Variants in SEZ6L observed in about 807,000 individuals in gnomAD.
The protein encoded by SEZ6L is seizure related 6 homolog like.
A neutral mutation model predicts 106.2 loss-of-function variants in SEZ6L; 37 were observed. The ratio of observed to expected loss-of-function variants is 0.35; its 90% CI spans 0.27 to 0.46. The LOEUF is 0.46. Among genes scored for constraint, SEZ6L ranks in the 20% least tolerant of loss-of-function variants. The pLI is 1.00. For synonymous variants in SEZ6L, 541 were observed against 570.4 expected (o/e 0.95, Z 0.73); for missense variants, 1,172 against 1,332.8 (o/e 0.88, Z 1.88).
intron 1 of SEZ6L, among the ~76,000 whole-genome samples, chr22:26,284,826 A>G (rs923910128): frequency 1.3e-5 from 2 of 152,110 alleles, no homozygotes; most frequent in African/African-American, 4.8e-5. Context: ...AGTGCACAGG[A>G]AACAAAGTCA....
chr22:26,293,963 T>C (rs917051714), intron 2 of SEZ6L, among the ~76,000 whole-genome samples: 1 of 152,178 alleles, frequency 6.6e-6, no homozygotes, highest in Non-Finnish European at 1.5e-5. Flanking sequence ...AAATCCTGCT[T>C]GCTGTTTGAG....
intron 1 of SEZ6L, among the ~76,000 whole-genome samples, chr22:26,190,759 C>T (rs554902917): frequency 2.6e-5 from 4 of 152,222 alleles, no homozygotes; most frequent in South Asian, 2.1e-4. Flanking sequence ...AGGAGATGTT[C>T]GCCAAGAGAA....
At chr22:26,179,723 C>A (rs746764955) in intron 1 of SEZ6L, among the ~76,000 whole-genome samples, 84 of 152,306 alleles carry the variant, frequency 5.5e-4, no homozygotes, top group Middle Eastern at 3.4e-3. Flanking sequence ...CTCTCCACTT[C>A]TCTCTTGCAT....
intron 1 of SEZ6L, among the ~76,000 whole-genome samples, chr22:26,258,862 A>G (rs991003134): frequency 3.9e-5 from 6 of 152,210 alleles, no homozygotes; most frequent in Non-Finnish European, 7.3e-5. Context: ...GGGAGGAAAT[A>G]TGAAGGATTT....
At position 26,305,983 on chromosome 22, in the gene SEZ6L, T is replaced by G; in HGVS notation, c.1353T>G (p.Pro451=). Residue 451 remains proline (P), a synonymous_variant, in exon 6 of 17, where the codon CCT becomes CCG. Transcript: ENST00000248933. ...ACCCACCCCTTTCTGGATCAGCTCC[T>G]TGTGGAGGGGCAGTGCACAATGCCA... ...WSSQEPICSA[P]CGGAVHNATI... 1 of 1,434,588 alleles carries G rather than the reference T, an allele frequency of 7.0e-7. No homozygotes were observed. Among genetic ancestry groups the G allele is most frequent in the Non-Finnish European group, 9.4e-7 (1 of 1,061,200 alleles). 88.9% of individuals were successfully genotyped at this position (1,434,588 alleles called of 1,614,324 possible). A position where few individuals can be genotyped will look rare whatever the true frequency, so the allele number is the denominator to read the frequency against.
At chr22:26,171,691 T>A (rs1242879897) in intron 1 of SEZ6L, among the ~76,000 whole-genome samples, 1 of 152,204 alleles carries the variant, frequency 6.6e-6, no homozygotes, top group Non-Finnish European at 1.5e-5. Flanking sequence ...CCAGCATATT[T>A]TTTAAATTGA....
intron 1 of SEZ6L, among the ~76,000 whole-genome samples, chr22:26,189,882 G>A (rs1247927111): frequency 1.3e-5 from 2 of 152,154 alleles, no homozygotes; most frequent in Non-Finnish European, 2.9e-5. Context: ...CGGGTCACGA[G>A]GTCAGGAGAT....
chr22:26,248,085 G>A (rs761163183), intron 1 of SEZ6L, among the ~76,000 whole-genome samples: 13 of 152,184 alleles, frequency 8.5e-5, no homozygotes, highest in Non-Finnish European at 1.6e-4. Flanking sequence ...GAGGATTGCA[G>A]GGCAGGGACA....
intron 9 of SEZ6L, among the ~76,000 whole-genome samples, chr22:26,319,361 C>A (rs1417026057): frequency 6.6e-6 from 1 of 151,498 alleles, no homozygotes; most frequent in Non-Finnish European, 1.5e-5. Flanking sequence ...CAACCGAAGT[C>A]ATAGCACCCA....
rs539909659 is a variant in SEZ6L, at chr22:26,291,717, T to G, written c.95-689T>G. ...CCCCACTCATCCTCTTAGCTGCATG[T>G]CTTTGTACAGGGAACAATCTGCCCA... On this transcript the variant is annotated intron_variant, in intron 1 of 16. Coordinates refer to ENST00000248933, the MANE Select transcript of SEZ6L (RefSeq NM_021115.5). Among the ~76,000 whole-genome samples the G allele has an allele frequency of 5.3e-5, 8 of 152,190 alleles. No homozygotes were observed. The South Asian group carries it at 1.4e-3, about 28-fold the overall frequency.
At chr22:26,318,015 G>A (rs971998548) in intron 9 of SEZ6L, among the ~76,000 whole-genome samples, 4 of 151,958 alleles carry the variant, frequency 2.6e-5, no homozygotes, top group African/African-American at 9.7e-5. Context: ...CGATGAATTA[G>A]GAAGTACATA....
intron 1 of SEZ6L, among the ~76,000 whole-genome samples, chr22:26,229,394 A>G (rs1337689504): frequency 6.6e-6 from 1 of 152,288 alleles, no homozygotes; most frequent in East Asian, 1.9e-4. Context: ...TAAATGTGCA[A>G]TTTATTATAT....
intron 1 of SEZ6L, among the ~76,000 whole-genome samples, chr22:26,178,728 A>G (rs960132650): frequency 6.6e-6 from 1 of 152,142 alleles, no homozygotes; most frequent in African/African-American, 2.4e-5. Flanking sequence ...TAAAAAAGAC[A>G]CAGACCCTGG....
chr22:26,309,981 G>A (rs1230616287), intron 6 of SEZ6L, among the ~76,000 whole-genome samples: 1 of 152,216 alleles, frequency 6.6e-6, no homozygotes, highest in African/African-American at 2.4e-5. Flanking sequence ...AAGTGACAGA[G>A]TCAGGACTCA....
chr22:26,182,731 C>A (rs1050817520), intron 1 of SEZ6L, among the ~76,000 whole-genome samples: 1 of 151,836 alleles, frequency 6.6e-6, no homozygotes, highest in Non-Finnish European at 1.5e-5. Context: ...CACATCTATG[C>A]ACACCTTCCC....
At chr22:26,284,467 G>A (rs1284126952) in intron 1 of SEZ6L, among the ~76,000 whole-genome samples, 2 of 151,836 alleles carry the variant, frequency 1.3e-5, no homozygotes, top group Admixed American at 6.6e-5. Flanking sequence ...AATATTAGCC[G>A]GGCATGTTGG....
At chr22:26,322,457 C>T (rs944530696) in intron 9 of SEZ6L, among the ~76,000 whole-genome samples, 1 of 152,088 alleles carries the variant, frequency 6.6e-6, no homozygotes, top group South Asian at 2.1e-4. Flanking sequence ...GACAGCCTGG[C>T]AAAATGTAAG....
At chr22:26,286,077 G>A (rs531165826) in intron 1 of SEZ6L, among the ~76,000 whole-genome samples, 1 of 152,250 alleles carries the variant, frequency 6.6e-6, no homozygotes, top group Admixed American at 6.5e-5. Context: ...CACTGGAATG[G>A]GTATTAATGA....
chr22:26,368,987 C>A (rs1052223690), intron 13 of SEZ6L, among the ~76,000 whole-genome samples: 4 of 152,134 alleles, frequency 2.6e-5, no homozygotes. Flanking sequence ...GTCACCGCAG[C>A]ATGGAAACCT....
Sources: gnomAD v4.1 joint callset for allele counts (sites outside exome capture counted in the v4.1 genomes callset) on GRCh38, gnomAD v4.1.1 for gene constraint, MANE v1.5 for transcripts, NCBI Gene and HGNC (gene_info 2026-07-23, HGNC 2026-07-21) for gene names.